The following B3GALT1 variants were observed in gnomAD, a reference collection of about 807,000 sequenced individuals.
The protein encoded by B3GALT1 is UDP-Gal:betaGlcNAc beta 1,3-galactosyltransferase, polypeptide 1.
In B3GALT1, 10 loss-of-function variants were observed where a neutral mutation model predicts 23.2. That is an observed-to-expected ratio of 0.43 (90% CI 0.27 to 0.73). B3GALT1 has a LOEUF of 0.73. B3GALT1 is among the 30% of genes least tolerant of loss of function. B3GALT1 has a pLI of 0.21. For synonymous variants in B3GALT1, 156 were observed against 141.5 expected (o/e 1.10, Z -0.73); for missense variants, 299 against 405.4 (o/e 0.74, Z 2.25).
chr2:167,713,665 T>G, intron 3 of B3GALT1: 2 of 1,377,984 alleles, frequency 1.5e-6, no homozygotes, highest in Non-Finnish European at 2.0e-6. Context: ...TCAGATTTCT[T>G]GCTGTGGTTC....
chr2:167,640,638 A>T (rs1685636449), intron 2 of B3GALT1, among the ~76,000 whole-genome samples: 1 of 152,058 alleles, frequency 6.6e-6, no homozygotes, highest in Non-Finnish European at 1.5e-5. Flanking sequence ...TATATCCCAT[A>T]GCCTTGTTTA....
chr2:167,425,949 T>G (rs562884632), intron 1 of B3GALT1, among the ~76,000 whole-genome samples: 4 of 152,360 alleles, frequency 2.6e-5, no homozygotes, highest in Admixed American at 1.3e-4. Flanking sequence ...TTTTGCTGCT[T>G]TAAAGCACCT....
intron 2 of B3GALT1, among the ~76,000 whole-genome samples, chr2:167,530,943 C>T (rs1683316056): frequency 6.6e-6 from 1 of 152,238 alleles, no homozygotes; most frequent in Non-Finnish European, 1.5e-5. Context: ...ATAATAGGTG[C>T]ACTAATGCTT....
At chr2:167,721,501 G>A (rs1353345796) in intron 3 of B3GALT1, among the ~76,000 whole-genome samples, 2 of 152,144 alleles carry the variant, frequency 1.3e-5, no homozygotes, top group African/African-American at 4.8e-5. Flanking sequence ...CTTAAGAGAG[G>A]TATAACAGTG....
intron 4 of B3GALT1, among the ~76,000 whole-genome samples, chr2:167,828,250 T>A (rs1689269889): frequency 6.6e-6 from 1 of 152,096 alleles, no homozygotes; most frequent in South Asian, 2.1e-4. Context: ...AGTCAACAAA[T>A]CCCCTGTCAC....
chr2:167,733,828 T>C lies in B3GALT1; in HGVS notation c.-351-84844T>C, dbSNP rs572341200. On this transcript the variant is annotated intron_variant, in intron 3 of 4. Transcript: ENST00000392690. Reference sequence around the variant, plus strand: ...GCTAACAGGAATGCTTCACTGTGTCTCTGATGGTCTTAAGGAGATGTTGTG... The same window carrying C: ...GCTAACAGGAATGCTTCACTGTGTCCCTGATGGTCTTAAGGAGATGTTGTG... Among the ~76,000 whole-genome samples the C allele has an allele frequency of 5.3e-5, 8 of 152,304 alleles. No individual in the cohort carries two copies. The East Asian group carries it at 1.4e-3, about 26-fold the overall frequency.
At chr2:167,676,549 A>G (rs912609775) in intron 3 of B3GALT1, among the ~76,000 whole-genome samples, 2 of 142,534 alleles carry the variant, frequency 1.4e-5, no homozygotes, top group African/African-American at 6.1e-5. Flanking sequence ...ACACACACAC[A>G]CACACATATA....
In B3GALT1 at chr2:167,818,724, A is replaced by G. The variant is rs1689045145; in HGVS notation, c.-299A>G. 6.6e-6 allele frequency among the ~76,000 whole-genome samples: 1 copy of G among 152,126 alleles called. No homozygotes were observed. Among genetic ancestry groups the G allele is most frequent in the African/African-American group, 2.4e-5 (1 of 41,416 alleles). On this transcript the variant is annotated 5_prime_UTR_variant, in exon 4 of 5. The change abolishes an upstream ATG in the 5' untranslated region. Coordinates refer to ENST00000392690, the MANE Select transcript of B3GALT1 (RefSeq NM_020981.4). Reference sequence around the variant, plus strand: ...CACCTTGAATCTCCTCCTCACACAGATGGAGACCATGCTTGATTTCCTGAA... The same window carrying G: ...CACCTTGAATCTCCTCCTCACACAGGTGGAGACCATGCTTGATTTCCTGAA...
intron 1 of B3GALT1, among the ~76,000 whole-genome samples, chr2:167,428,676 TA>T (rs1446708169): frequency 1.3e-5 from 2 of 150,502 alleles, no homozygotes; most frequent in Admixed American, 6.6e-5. Context: ...AGACTCCATT[TA>T]AAAAAAAAGT....
intron 2 of B3GALT1, among the ~76,000 whole-genome samples, chr2:167,531,033 G>C (rs184937396): frequency 7.0e-4 from 107 of 152,220 alleles, no homozygotes; most frequent in Non-Finnish European, 1.2e-3. Context: ...TTTTTATCTT[G>C]AGACTGTTTT....
intron 1 of B3GALT1, among the ~76,000 whole-genome samples, chr2:167,450,756 G>A (rs769851652): frequency 1.4e-4 from 22 of 152,138 alleles, no homozygotes; most frequent in Non-Finnish European, 2.8e-4. Flanking sequence ...CAAGGCCAGG[G>A]AAGTTTTCCT....
rs529424683 is a variant in B3GALT1 at position 167,818,779 on chromosome 2, C to T, written c.-244C>T. On this transcript the variant is annotated 5_prime_UTR_variant, in exon 4 of 5. It adds an upstream start codon to the 5' untranslated region. Coordinates refer to ENST00000392690, the MANE Select transcript of B3GALT1 (RefSeq NM_020981.4). Reference sequence around the variant, plus strand: ...TAGTAAGAAGAAGGAAAACACAGCACGCTGGAGCCAACAGGTAGGCGAGAA... The same window carrying T: ...TAGTAAGAAGAAGGAAAACACAGCATGCTGGAGCCAACAGGTAGGCGAGAA... 5.9e-5 allele frequency among the ~76,000 whole-genome samples: 9 copies of T among 152,068 alleles called. No homozygotes were observed. Among genetic ancestry groups the T allele is most frequent in the Non-Finnish European group, 1.0e-4 (7 of 67,992 alleles).
intron 3 of B3GALT1, among the ~76,000 whole-genome samples, chr2:167,665,917 C>T (rs1257428992): frequency 6.6e-6 from 1 of 152,060 alleles, no homozygotes; most frequent in Non-Finnish European, 1.5e-5. Flanking sequence ...AAACCAGCTC[C>T]TGGATTCATT....
intron 3 of B3GALT1, among the ~76,000 whole-genome samples, chr2:167,698,773 C>T (rs775179308): frequency 1.3e-5 from 2 of 152,186 alleles, no homozygotes; most frequent in African/African-American, 2.4e-5. Context: ...ACAAACAAAA[C>T]ACTGCCGTTC....
At chr2:167,453,844 A>T (rs968596918) in intron 1 of B3GALT1, among the ~76,000 whole-genome samples, 1 of 152,368 alleles carries the variant, frequency 6.6e-6, no homozygotes, top group East Asian at 1.9e-4. Context: ...TGTCAGGCTC[A>T]TTGAATTTTC....
intron 3 of B3GALT1, among the ~76,000 whole-genome samples, chr2:167,752,386 T>TA (rs1456772483): frequency 1.3e-5 from 2 of 152,216 alleles, no homozygotes; most frequent in Non-Finnish European, 2.9e-5. Context: ...GGAGAATACT[T>TA]AATAGTAATT....
intron 2 of B3GALT1, among the ~76,000 whole-genome samples, chr2:167,630,930 C>T (rs1051557351): frequency 1.3e-4 from 19 of 146,454 alleles, no homozygotes; most frequent in African/African-American, 4.6e-4. Flanking sequence ...TGCCTTCTTT[C>T]CTTTTCTTCC....
At chr2:167,374,409 T>A (rs886466015) in intron 1 of B3GALT1, among the ~76,000 whole-genome samples, 3 of 152,230 alleles carry the variant, frequency 2.0e-5, no homozygotes, top group African/African-American at 7.2e-5. Context: ...GAATAGTAGT[T>A]CTGTTTTAAG....
intron 1 of B3GALT1, among the ~76,000 whole-genome samples, chr2:167,320,485 G>T (rs1696793466): frequency 6.6e-6 from 1 of 151,876 alleles, no homozygotes; most frequent in African/African-American, 2.4e-5. Flanking sequence ...ACACTGCACT[G>T]CCCTGAACTA....
Sources: allele counts gnomAD v4.1 joint callset (sites outside exome capture counted in the v4.1 genomes callset), GRCh38; gene constraint gnomAD v4.1.1; transcripts MANE v1.5; gene names NCBI Gene and HGNC (gene_info 2026-07-23, HGNC 2026-07-21).